Variants in TAOK1 observed in about 807,000 individuals in gnomAD.
TAOK1 encodes the protein serine/threonine-protein kinase TAO1.
In TAOK1, 21 loss-of-function variants were observed where a neutral mutation model predicts 138.3. That is an observed-to-expected ratio of 0.15 (90% confidence interval 0.11 to 0.22). TAOK1 has a LOEUF of 0.22. Among genes scored for constraint, TAOK1 ranks in the 10% least tolerant of loss-of-function variants. The pLI is 1.00. For synonymous variants in TAOK1, 361 were observed against 398.4 expected (o/e 0.91, Z 1.12); for missense variants, 651 against 1,227.7 (o/e 0.53, Z 7.02).
rs1424961877 is a variant in TAOK1, at chr17:29,390,792, A to AG, written c.-324dup. The AG allele has an allele frequency of 6.7e-6, 1 of 149,428 alleles. No individual in the cohort carries two copies. Among genetic ancestry groups the AG allele is most frequent in the African/African-American group, 2.5e-5 (1 of 40,228 alleles). The allele number at this position is 149,428 out of a possible 1,614,324, so 9.3% of individuals were successfully genotyped here. A position where few individuals can be genotyped will look rare whatever the true frequency, so the allele number is the denominator to read the frequency against. On this transcript the variant is annotated 5_prime_UTR_variant, in exon 1 of 20. Transcript: ENST00000261716. Reference sequence around the variant, plus strand: ...CCATCTTAACTGAGCCCAAGCGCTGAGGGCGCCTCCTCGACCCCGGTCGTC... The same window carrying AG: ...CCATCTTAACTGAGCCCAAGCGCTGAGGGGCGCCTCCTCGACCCCGGTCGTC...
intron 11 of TAOK1, among the ~76,000 whole-genome samples, chr17:29,497,846 A>T (rs1028188192): frequency 3.3e-5 from 5 of 151,144 alleles, no homozygotes; most frequent in Non-Finnish European, 7.4e-5. Context: ...CTAGTACTTT[A>T]TTTTTTTTTA....
At chr17:29,461,743 G>C (rs554242951) in intron 2 of TAOK1, among the ~76,000 whole-genome samples, 1 of 147,410 alleles carries the variant, frequency 6.8e-6, no homozygotes, top group African/African-American at 2.5e-5. Flanking sequence ...GAAATGTAGA[G>C]AGCGAAATTT....
At chr17:29,467,098 T>C in intron 2 of TAOK1, 47 bp from the exon 3 acceptor site, 1 of 1,428,202 alleles carries the variant, frequency 7.0e-7, no homozygotes, top group Non-Finnish European at 9.6e-7. Flanking sequence ...TTGCCTAGAT[T>C]TCACCTGTTA....
intron 1 of TAOK1, among the ~76,000 whole-genome samples, chr17:29,392,782 CTT>C (rs778641598): frequency 5.9e-5 from 9 of 152,128 alleles, no homozygotes; most frequent in Non-Finnish European, 2.9e-5. Flanking sequence ...TACTTAGTGA[CTT>C]ATTTTTAAAT....
intron 16 of TAOK1, among the ~76,000 whole-genome samples, chr17:29,521,100 G>A (rs1157908195): frequency 6.6e-6 from 1 of 152,064 alleles, no homozygotes; most frequent in African/African-American, 2.4e-5. Flanking sequence ...AAGAAAGCCA[G>A]TTATGTGCCT....
chr17:29,473,036 A>G (rs751612041), intron 3 of TAOK1, among the ~76,000 whole-genome samples: 3 of 152,170 alleles, frequency 2.0e-5, no homozygotes, highest in Admixed American at 1.3e-4. Flanking sequence ...GACCAGTAAT[A>G]TTTTGAAAGG....
chr17:29,407,118 G>T (rs1311385259), intron 1 of TAOK1, among the ~76,000 whole-genome samples: 1 of 151,816 alleles, frequency 6.6e-6, no homozygotes, highest in Non-Finnish European at 1.5e-5. Context: ...GGGCTCAAGT[G>T]ATCTTCCCAT....
At chr17:29,433,377 C>G (rs1905911532) in intron 1 of TAOK1, among the ~76,000 whole-genome samples, 3 of 150,790 alleles carry the variant, frequency 2.0e-5, no homozygotes, top group Admixed American at 2.0e-4. Context: ...TTGCAGTGAG[C>G]CGAGATCACT....
chr17:29,473,861 A>C (rs1382596567), intron 3 of TAOK1, among the ~76,000 whole-genome samples: 1 of 151,690 alleles, frequency 6.6e-6, no homozygotes, highest in African/African-American at 2.4e-5. Flanking sequence ...CCTCCCTAGT[A>C]GCTAGGACTA....
At chr17:29,449,859 G>A (rs1404201115) in intron 1 of TAOK1, among the ~76,000 whole-genome samples, 3 of 151,862 alleles carry the variant, frequency 2.0e-5, no homozygotes, top group Non-Finnish European at 4.4e-5. Context: ...AAAAAATAAA[G>A]CCTGATGAAA....
At chr17:29,428,418 T>C (rs1438173516) in intron 1 of TAOK1, among the ~76,000 whole-genome samples, 2 of 152,088 alleles carry the variant, frequency 1.3e-5, no homozygotes, top group African/African-American at 4.8e-5. Context: ...AAAAATGCCA[T>C]AGAGGTAGAA....
At chr17:29,411,612 C>G (rs1905146745) in intron 1 of TAOK1, among the ~76,000 whole-genome samples, 1 of 151,682 alleles carries the variant, frequency 6.6e-6, no homozygotes, top group Non-Finnish European at 1.5e-5. Flanking sequence ...AAGCTGGTCT[C>G]AAACTCCTGA....
chr17:29,407,134 C>T (rs1443892485), intron 1 of TAOK1, among the ~76,000 whole-genome samples: 1 of 152,084 alleles, frequency 6.6e-6, no homozygotes, highest in African/African-American at 2.4e-5. Flanking sequence ...CCCATCTTAG[C>T]CTCCTGAGGA....
At chr17:29,426,070 C>T (rs371173220) in intron 1 of TAOK1, among the ~76,000 whole-genome samples, 91 of 152,138 alleles carry the variant, frequency 6.0e-4, no homozygotes, top group African/African-American at 1.9e-3. Context: ...TTAGTAGAGA[C>T]GGGGTTTCAC....
intron 1 of TAOK1, among the ~76,000 whole-genome samples, chr17:29,414,004 T>C (rs1420997296): frequency 6.8e-6 from 1 of 146,304 alleles, no homozygotes. Context: ...TGCCTCAGCC[T>C]CCCTAGTAGC....
intron 1 of TAOK1, among the ~76,000 whole-genome samples, chr17:29,422,403 T>A (rs995723045): frequency 6.8e-6 from 1 of 146,990 alleles, no homozygotes; most frequent in African/African-American, 2.5e-5. Flanking sequence ...TAGTAGAGAC[T>A]GCGTTTCATC....
At chr17:29,528,856 A>G (rs1357196719) in intron 17 of TAOK1, among the ~76,000 whole-genome samples, 1 of 150,812 alleles carries the variant, frequency 6.6e-6, no homozygotes, top group East Asian at 1.9e-4. Context: ...AAAAAAAAAA[A>G]AAAAAAAAGA....
intron 17 of TAOK1, among the ~76,000 whole-genome samples, chr17:29,524,680 T>C (rs2031977963): frequency 6.6e-6 from 1 of 152,228 alleles, no homozygotes; most frequent in Non-Finnish European, 1.5e-5. Flanking sequence ...TTCTATTTAC[T>C]TAAGTAATCG....
intron 1 of TAOK1, among the ~76,000 whole-genome samples, chr17:29,391,598 A>G (rs1904430906): frequency 6.6e-6 from 1 of 152,078 alleles, no homozygotes; most frequent in South Asian, 2.1e-4. Flanking sequence ...AGGGAGGGGG[A>G]GCAGGAGAGG....
Sources: gnomAD v4.1 joint callset for allele counts (sites outside exome capture counted in the v4.1 genomes callset) on GRCh38, gnomAD v4.1.1 for gene constraint, MANE v1.5 for transcripts, NCBI Gene and HGNC (gene_info 2026-07-23, HGNC 2026-07-21) for gene names.